GSDMC: variants seen among roughly 807,000 people sequenced by gnomAD.
The protein encoded by GSDMC is gasdermin C.
GSDMC carries 59 observed loss-of-function variants against 58.0 expected under a neutral mutation model. The observed-to-expected ratio is 1.02, with a 90% CI of 0.82 to 1.26. GSDMC has a LOEUF of 1.26. GSDMC is among the 50% of genes most tolerant of loss of function. GSDMC has a pLI of 0.00. For missense variants in GSDMC, 659 were observed against 598.5 expected (o/e 1.10, Z -1.06); for synonymous variants, 241 against 220.2 (o/e 1.09, Z -0.83).
intron 3 of GSDMC, among the ~76,000 whole-genome samples, chr8:129,769,024 G>C (rs1356119495): frequency 6.6e-6 from 1 of 151,982 alleles, no homozygotes; most frequent in Admixed American, 6.6e-5. Flanking sequence ...GCTGCAGTGA[G>C]CCAGGATCTT....
the GSDMC span, chr8:129,730,457 A>AAT: frequency 3.0e-6 from 3 of 1,002,312 alleles, no homozygotes; most frequent in Non-Finnish European, 4.2e-6. Context: ...TTGATTTTTT[A>AAT]TTCATACACT....
chr8:129,756,134 A>G (rs927770955), intron 6 of GSDMC, among the ~76,000 whole-genome samples: 2 of 151,902 alleles, frequency 1.3e-5, no homozygotes, highest in African/African-American at 4.8e-5. Flanking sequence ...AAAGATACAC[A>G]TAGACTGAAA....
rs759529407 is a variant in GSDMC at position 129,776,171 on chromosome 8, T to A, written c.335A>T (p.Asp112Val). The A allele has an allele frequency of 6.2e-7, 1 of 1,613,998 alleles. No individual in the cohort carries two copies. The highest frequency in any genetic ancestry group is 2.2e-5 in the East Asian group (1 of 44,874). Residue 112 changes from aspartate to valine, a missense_variant, in exon 3 of 14, where the codon GAC becomes GTC. Transcript: ENST00000276708. ...TTGAAACTCGAGGGAGCATCCATGG[T>A]CCACAGAGGCCTCCCCTGACACACT... ...EVSVSGEASV[D>V]HGCSLEFQIV...
the GSDMC span, among the ~76,000 whole-genome samples, chr8:129,743,181 G>T: frequency 1.3e-5 from 2 of 152,106 alleles, no homozygotes; most frequent in South Asian, 4.1e-4. Context: ...TTTTCAGCAC[G>T]TATTTCTTTT....
the GSDMC span, chr8:129,730,508 G>A: frequency 5.4e-6 from 3 of 554,916 alleles, no homozygotes; most frequent in Non-Finnish European, 8.4e-6. Context: ...CATCCACATA[G>A]TGTAAAAATA....
chr8:129,716,257 C>T, the GSDMC span, among the ~76,000 whole-genome samples: 1 of 151,856 alleles, frequency 6.6e-6, no homozygotes, highest in African/African-American at 2.4e-5. Context: ...ATGCTTTCTA[C>T]AAGAAATGTA....
chr8:129,729,947 T>A, the GSDMC span: 1 of 1,504,376 alleles, frequency 6.6e-7, no homozygotes, highest in Non-Finnish European at 9.2e-7. Flanking sequence ...AGCGAGCCAG[T>A]GGAGCTGCGG....
At chr8:129,771,753 A>G (rs2034057014) in intron 3 of GSDMC, among the ~76,000 whole-genome samples, 3 of 152,242 alleles carry the variant, frequency 2.0e-5, no homozygotes, top group African/African-American at 7.2e-5. Context: ...CAGAAAATTC[A>G]CAAATATGTG....
chr8:129,718,458 G>T, the GSDMC span, among the ~76,000 whole-genome samples: 1 of 152,180 alleles, frequency 6.6e-6, no homozygotes, highest in Admixed American at 6.5e-5. Context: ...TTAGAGAAAT[G>T]CAAATCAAAA....
At chr8:129,718,493 C>T in the GSDMC span, among the ~76,000 whole-genome samples, 1 of 152,200 alleles carries the variant, frequency 6.6e-6, no homozygotes, top group Non-Finnish European at 1.5e-5. Flanking sequence ...TACCATCTCA[C>T]ACCAGGTAGA....
chr8:129,759,669 T>C (rs1007030128), intron 6 of GSDMC, among the ~76,000 whole-genome samples: 5 of 152,152 alleles, frequency 3.3e-5, no homozygotes, highest in African/African-American at 1.2e-4. Flanking sequence ...TGAGATATTA[T>C]CTCACCCCTG....
rs1342677070 is a variant in GSDMC at position 129,748,234 on chromosome 8, T to G, written c.*267A>C. 3.7e-6 allele frequency: 1 copy of G among 272,546 alleles called. No individual in the cohort carries two copies. The highest frequency in any genetic ancestry group is 2.2e-5 in the African/African-American group (1 of 45,778). The allele number at this position is 272,546 out of a possible 1,614,324, so 16.9% of individuals were successfully genotyped here. On this transcript the variant is annotated 3_prime_UTR_variant, in exon 14 of 14. Coordinates refer to ENST00000276708, the MANE Select transcript of GSDMC (RefSeq NM_031415.3). ...TGTTTTTATTATTTTGAAGTAAAAT[T>G]TATACATAGTGAAACGCTTACGTCT...
intron 10 of GSDMC, among the ~76,000 whole-genome samples, chr8:129,751,162 G>A (rs1475911770): frequency 6.6e-6 from 1 of 152,116 alleles, no homozygotes; most frequent in East Asian, 1.9e-4. Flanking sequence ...GCACATATAA[G>A]CTACCCTTAT....
At chr8:129,758,344 AT>A (rs2033524029) in intron 6 of GSDMC, among the ~76,000 whole-genome samples, 1 of 152,222 alleles carries the variant, frequency 6.6e-6, no homozygotes, top group Admixed American at 6.5e-5. Context: ...GCTGTTTAGC[AT>A]AGTGCTGGAA....
intron 6 of GSDMC, among the ~76,000 whole-genome samples, chr8:129,755,960 G>A (rs2033413466): frequency 6.7e-6 from 1 of 149,278 alleles, no homozygotes; most frequent in South Asian, 2.1e-4. Flanking sequence ...AAGAAGGCCA[G>A]AAAACAATAA....
chr8:129,763,623 C>A (rs2033751686), intron 4 of GSDMC, among the ~76,000 whole-genome samples: 1 of 152,190 alleles, frequency 6.6e-6, no homozygotes, highest in South Asian at 2.1e-4. Context: ...GTCACCCAGG[C>A]TGGAATGCAG....
the GSDMC span, among the ~76,000 whole-genome samples, chr8:129,734,152 C>T: frequency 4.6e-5 from 7 of 152,206 alleles, no homozygotes; most frequent in Non-Finnish European, 8.8e-5. Context: ...ATGAACAAAG[C>T]CTCCAAGAAA....
the GSDMC span, among the ~76,000 whole-genome samples, chr8:129,708,892 C>T: frequency 1.3e-5 from 2 of 152,282 alleles, no homozygotes; most frequent in Non-Finnish European, 2.9e-5. Context: ...CCCATGCCAC[C>T]TACTGGCTGA....
rs763414291 is a variant in GSDMC at position 129,751,585 on chromosome 8, G to A, written c.917-17C>T. On this transcript the variant is annotated splice_polypyrimidine_tract_variant and intron_variant, in intron 9 of 13. Coordinates refer to ENST00000276708, the MANE Select transcript of GSDMC (RefSeq NM_031415.3). ...CTATTCTTCCTAGAAGGAGAATCAA[G>A]TCATCATCTCACTTCCTCATCCCCC... 23 of 1,611,114 alleles carry A rather than the reference G, an allele frequency of 1.4e-5. No homozygotes were observed. The Admixed American group carries it at 1.5e-4, about 11-fold the overall frequency.
Sources: gnomAD v4.1 joint callset for allele counts (sites outside exome capture counted in the v4.1 genomes callset) on GRCh38, gnomAD v4.1.1 for gene constraint, MANE v1.5 for transcripts, NCBI Gene and HGNC (gene_info 2026-07-23, HGNC 2026-07-21) for gene names.